The following FAM227B variants were observed in gnomAD, a reference collection of about 807,000 sequenced individuals.
FAM227B encodes protein FAM227B.
A neutral mutation model predicts 73.8 loss-of-function variants in FAM227B; 88 were observed. The ratio of observed to expected loss-of-function variants is 1.19; its 90% CI spans 1.00 to 1.42. The LOEUF is 1.42. FAM227B is among the 40% of genes most tolerant of loss of function. The pLI, the probability that FAM227B is intolerant of heterozygous loss-of-function variation, is 0.00. For missense variants in FAM227B, 632 were observed against 590.9 expected, an observed-to-expected ratio of 1.07 and a Z score of -0.72; for synonymous variants, 210 against 190.5, an observed-to-expected ratio of 1.10 and a Z score of -0.84.
intron 11 of FAM227B, among the ~76,000 whole-genome samples, chr15:49,479,003 T>G (rs1341830914): frequency 6.6e-6 from 1 of 152,198 alleles, no homozygotes; most frequent in Non-Finnish European, 1.5e-5. Context: ...TTTCCCATTT[T>G]TCATTCCAAG....
At chr15:49,410,760 C>CAT (rs1262697848) in intron 11 of FAM227B, among the ~76,000 whole-genome samples, 2 of 151,946 alleles carry the variant, frequency 1.3e-5, no homozygotes, top group East Asian at 3.9e-4. Context: ...GAAGTTGAAC[C>CAT]ATTATGGGTT....
At chr15:49,402,837 T>C (rs1028586870) in intron 11 of FAM227B, among the ~76,000 whole-genome samples, 1 of 151,940 alleles carries the variant, frequency 6.6e-6, no homozygotes, top group African/African-American at 2.4e-5. Flanking sequence ...GTGGTGAGAG[T>C]GGATATCCTT....
intron 3 of FAM227B, among the ~76,000 whole-genome samples, chr15:49,594,279 T>C (rs1344935882): frequency 6.6e-6 from 1 of 151,958 alleles, no homozygotes; most frequent in Non-Finnish European, 1.5e-5. Flanking sequence ...GAATTATTTC[T>C]TTTTTTTCTT....
intron 11 of FAM227B, among the ~76,000 whole-genome samples, chr15:49,404,816 G>T (rs2048406469): frequency 6.6e-6 from 1 of 150,964 alleles, no homozygotes; most frequent in Non-Finnish European, 1.5e-5. Flanking sequence ...GATGTTAGCT[G>T]GTTCGTATGG....
chr15:49,486,721 G>A (rs1307039388), intron 11 of FAM227B: 1 of 151,752 alleles, frequency 6.6e-6, no homozygotes, highest in Admixed American at 6.6e-5. Context: ...AACATTTAGT[G>A]GTAAATCCAT....
intron 9 of FAM227B, among the ~76,000 whole-genome samples, chr15:49,548,590 G>A (rs1209358420): frequency 6.6e-6 from 1 of 152,146 alleles, no homozygotes; most frequent in Non-Finnish European, 1.5e-5. Context: ...AATAGTTTGA[G>A]TAGAATTGGT....
At chr15:49,510,919 G>A (rs1232541862) in intron 10 of FAM227B, among the ~76,000 whole-genome samples, 1 of 151,596 alleles carries the variant, frequency 6.6e-6, no homozygotes, top group Non-Finnish European at 1.5e-5. Context: ...TGTTAAGAGG[G>A]ATGATACAAT....
At chr15:49,446,130 A>C (rs1012567497) in intron 11 of FAM227B, among the ~76,000 whole-genome samples, 3 of 151,592 alleles carry the variant, frequency 2.0e-5, no homozygotes, top group Non-Finnish European at 4.4e-5. Flanking sequence ...GTGTATTATA[A>C]TTGGGAGTAG....
intron 11 of FAM227B, among the ~76,000 whole-genome samples, chr15:49,499,165 C>CA (rs11355557): frequency 0.053 from 2,811 of 53,076 alleles, 219 homozygotes; most frequent in East Asian, 0.17. Flanking sequence ...GACTCCGTCT[C>CA]AAAAAAAAAA....
rs564064769 is a variant in FAM227B at position 49,614,991 on chromosome 15, A to G, written c.51+130T>C. ...GTGATTGGCCATCTGTGCAGCGAGC[A>G]TTAAGACCTAGACCAAACCCTTGGT... On this transcript the variant is annotated intron_variant, in intron 2 of 15. Coordinates refer to ENST00000299338, the MANE Select transcript of FAM227B (RefSeq NM_152647.3). 2.2e-5 allele frequency: 18 copies of G among 804,600 alleles called. No homozygotes were observed. In the African/African-American group the frequency reaches 3.0e-4, roughly 14 times the overall value. The allele number at this position is 804,600 out of a possible 1,614,324, so 49.8% of individuals were successfully genotyped here.
chr15:49,484,526 C>T, intron 11 of FAM227B: 2 of 1,288,468 alleles, frequency 1.6e-6, no homozygotes, highest in Non-Finnish European at 2.1e-6. Context: ...ATATAAAGAA[C>T]CAGTTCCAGC....
At chr15:49,512,971 T>A (rs556484248) in intron 10 of FAM227B, among the ~76,000 whole-genome samples, 1 of 152,186 alleles carries the variant, frequency 6.6e-6, no homozygotes, top group Non-Finnish European at 1.5e-5. Context: ...ATGGTGTATA[T>A]GTAACACAAA....
intron 9 of FAM227B, among the ~76,000 whole-genome samples, chr15:49,549,130 G>C (rs1474404639): frequency 1.3e-5 from 2 of 151,910 alleles, no homozygotes; most frequent in Non-Finnish European, 2.9e-5. Context: ...TATTGATGTA[G>C]GCACTTACAG....
intron 10 of FAM227B, among the ~76,000 whole-genome samples, chr15:49,536,665 A>G (rs1278561494): frequency 1.3e-5 from 2 of 151,996 alleles, no homozygotes; most frequent in African/African-American, 2.4e-5. Flanking sequence ...AATTATATTA[A>G]AAAGCTATAG....
chr15:49,332,587 G>C (rs17476940), intron 14 of FAM227B, among the ~76,000 whole-genome samples: 32,738 of 152,130 alleles, frequency 0.22, 3,712 homozygotes, highest in South Asian at 0.25. Context: ...AAACTTGAGA[G>C]AAGGAGAAAC....
At chr15:49,345,015 C>G (rs978615339) in intron 13 of FAM227B, among the ~76,000 whole-genome samples, 1 of 152,168 alleles carries the variant, frequency 6.6e-6, no homozygotes, top group African/African-American at 2.4e-5. Flanking sequence ...TTGCATACAG[C>G]TATTACCTGC....
rs1259693180 is a variant in FAM227B, at chr15:49,591,489, T to G, written c.106-1482A>C. Among the ~76,000 whole-genome samples, 97 of 119,180 alleles carry G rather than the reference T, an allele frequency of 8.1e-4. 2 individuals carry two copies. The highest frequency in any genetic ancestry group is 1.4e-4 in the Non-Finnish European group (8 of 58,270). The allele number at this position is 119,180 out of a possible 152,430, so 78.2% of individuals were successfully genotyped here. ...CTGCACCTGGCCCTTCCTTCCTTTTTTTTTTTTTTTTTTTTTTTTGGAGTC... is the reference window on the plus strand; with the variant it reads ...CTGCACCTGGCCCTTCCTTCCTTTTGTTTTTTTTTTTTTTTTTTTGGAGTC... On this transcript the variant is annotated intron_variant, in intron 3 of 15. Coordinates refer to ENST00000299338, the MANE Select transcript of FAM227B (RefSeq NM_152647.3).
At chr15:49,532,893 A>G (rs929167029) in intron 10 of FAM227B, among the ~76,000 whole-genome samples, 7 of 151,894 alleles carry the variant, frequency 4.6e-5, no homozygotes, top group Non-Finnish European at 1.0e-4. Context: ...GAAACCATAC[A>G]ATCTTTTTCA....
chr15:49,511,954 T>A (rs1004797910), intron 10 of FAM227B, among the ~76,000 whole-genome samples: 2 of 152,124 alleles, frequency 1.3e-5, no homozygotes, highest in African/African-American at 4.8e-5. Flanking sequence ...TTATATTTCT[T>A]TGGGTACGTA....
Sources: gnomAD v4.1 joint callset for allele counts (sites outside exome capture counted in the v4.1 genomes callset) on GRCh38, gnomAD v4.1.1 for gene constraint, MANE v1.5 for transcripts, NCBI Gene and HGNC (gene_info 2026-07-23, HGNC 2026-07-21) for gene names.